The following SBF2 variants were observed in gnomAD, a reference collection of about 807,000 sequenced individuals.
SBF2 encodes the protein SET binding factor 2.
In SBF2, 112 loss-of-function variants were observed where a neutral mutation model predicts 225.2. The observed-to-expected ratio is 0.50, with a 90% CI of 0.43 to 0.58. The LOEUF (loss-of-function observed/expected upper bound fraction) is 0.58, where lower values mean the gene tolerates loss of function less well. SBF2 is among the 20% of genes least tolerant of loss of function. The pLI is 0.00. For synonymous variants in SBF2, 763 were observed against 773.3 expected (o/e 0.99, Z 0.22); for missense variants, 1,996 against 2,206.2 (o/e 0.90, Z 1.91).
intron 2 of SBF2, among the ~76,000 whole-genome samples, chr11:10,049,847 G>A (rs1275528846): frequency 1.3e-5 from 2 of 152,090 alleles, no homozygotes; most frequent in African/African-American, 4.8e-5. Flanking sequence ...TACAATAAAA[G>A]CCAAAAATAT....
rs570166180 is a variant in SBF2, at chr11:10,238,721, T to C, written c.56-44734A>G. On this transcript the variant is annotated intron_variant, in intron 1 of 39. Coordinates refer to ENST00000256190, the MANE Select transcript of SBF2 (RefSeq NM_030962.4). ...TGAGGTCAGGAGTTTGAGACCAGCC[T>C]AGCCAACATGGTGAAACTCTGTCTC... Among the ~76,000 whole-genome samples the C allele has an allele frequency of 4.0e-5, 6 of 150,772 alleles. 1 individual carries two copies. The East Asian group carries it at 1.2e-3, about 29-fold the overall frequency.
intron 23 of SBF2, 80 bp downstream of exon 23, chr11:9,846,876 T>C (rs1489289548): frequency 4.0e-6 from 6 of 1,498,042 alleles, no homozygotes; most frequent in Non-Finnish European, 5.6e-6. Context: ...TCTGAGCACA[T>C]GACCACACAA....
intron 32 of SBF2, among the ~76,000 whole-genome samples, chr11:9,802,151 T>C (rs1278119340): frequency 6.6e-6 from 1 of 152,258 alleles, no homozygotes; most frequent in Non-Finnish European, 1.5e-5. Flanking sequence ...TTTCTCCTGA[T>C]ATTATATTTT....
chr11:9,841,032 CA>C (rs1856098693), intron 25 of SBF2, among the ~76,000 whole-genome samples: 1 of 151,596 alleles, frequency 6.6e-6, no homozygotes, highest in Non-Finnish European at 1.5e-5. Context: ...TAAGAGACAT[CA>C]AATCAAGCTT....
At chr11:9,824,802 G>A (rs1854974005) in intron 28 of SBF2, among the ~76,000 whole-genome samples, 1 of 152,064 alleles carries the variant, frequency 6.6e-6, no homozygotes, top group Non-Finnish European at 1.5e-5. Flanking sequence ...AAGTTGAGTG[G>A]AAAAATTACT....
intron 1 of SBF2, among the ~76,000 whole-genome samples, chr11:10,226,402 C>T (rs1254756657): frequency 2.6e-5 from 4 of 151,946 alleles, no homozygotes; most frequent in African/African-American, 7.3e-5. Context: ...CATATGTATA[C>T]ATGTGCCATG....
chr11:9,928,970 G>C, intron 16 of SBF2: 3 of 477,118 alleles, frequency 6.3e-6, no homozygotes, highest in South Asian at 4.8e-5. Context: ...AAGCAGCAGA[G>C]ATAACTTGCA....
At chr11:9,935,377 G>A (rs1864817804) in intron 16 of SBF2, among the ~76,000 whole-genome samples, 1 of 152,074 alleles carries the variant, frequency 6.6e-6, no homozygotes, top group Non-Finnish European at 1.5e-5. Context: ...TGGCCATACT[G>A]CCCAAGGTAA....
chr11:10,046,895 A>AC (rs56334514), intron 2 of SBF2, among the ~76,000 whole-genome samples: 3 of 150,796 alleles, frequency 2.0e-5, no homozygotes, highest in Admixed American at 6.6e-5. Flanking sequence ...AAAAAAAAAA[A>AC]CCCATCCCTG....
intron 2 of SBF2, among the ~76,000 whole-genome samples, chr11:10,184,052 A>C (rs1565330095): frequency 2.0e-5 from 3 of 152,250 alleles, no homozygotes; most frequent in Admixed American, 1.3e-4. Context: ...ATTTGATTCC[A>C]CCATTATACA....
chr11:9,872,060 G>C (rs542130736), intron 17 of SBF2, among the ~76,000 whole-genome samples: 3 of 152,086 alleles, frequency 2.0e-5, no homozygotes, highest in African/African-American at 4.8e-5. Flanking sequence ...TAAAAACATG[G>C]AATCAACCCA....
intron 13 of SBF2, among the ~76,000 whole-genome samples, chr11:9,982,521 A>C (rs1358370432): frequency 6.6e-6 from 1 of 152,222 alleles, no homozygotes; most frequent in Non-Finnish European, 1.5e-5. Flanking sequence ...TGAACAAAAT[A>C]CTTTATTTAA....
At chr11:10,201,989 C>T (rs1280798358) in intron 1 of SBF2, among the ~76,000 whole-genome samples, 1 of 152,172 alleles carries the variant, frequency 6.6e-6, no homozygotes, top group African/African-American at 2.4e-5. Flanking sequence ...TCACAGTTCA[C>T]TGAGAATGTA....
At chr11:10,157,183 A>G (rs2135194203) in intron 2 of SBF2, among the ~76,000 whole-genome samples, 2 of 152,356 alleles carry the variant, frequency 1.3e-5, no homozygotes, top group South Asian at 4.2e-4. Context: ...TTCCCTATTC[A>G]ATAAATGGCG....
chr11:10,185,198 T>G (rs1295518924), intron 2 of SBF2, among the ~76,000 whole-genome samples: 1 of 152,220 alleles, frequency 6.6e-6, no homozygotes, highest in Non-Finnish European at 1.5e-5. Flanking sequence ...CTTCCACCAT[T>G]TGACTACTGT....
At position 9,858,259 on chromosome 11, in the gene SBF2, C is replaced by G; in HGVS notation, c.2067G>C (p.Lys689Asn). Residue 689 changes from lysine to asparagine, a missense_variant, in exon 18 of 40, where the codon AAG (lysine) becomes AAC (asparagine). Transcript: ENST00000256190. ...EQVRSLYLSA[K>N]EDNHAPHLKQ... ...TCAGATGCGGGGCATGATTGTCTTC[C>G]TTGGCTGAGAGATAAAGGGAGCGAA... 1 of 1,614,134 alleles carries G rather than the reference C, an allele frequency of 6.2e-7. No individual in the cohort carries two copies. Among genetic ancestry groups the G allele is most frequent in the African/African-American group, 1.3e-5 (1 of 75,026 alleles).
At chr11:10,243,557 A>G (rs371772563) in intron 1 of SBF2, among the ~76,000 whole-genome samples, 1 of 151,910 alleles carries the variant, frequency 6.6e-6, no homozygotes, top group East Asian at 1.9e-4. Context: ...AAATTGGAAA[A>G]CCCTTAGCTA....
At chr11:9,830,610 G>T (rs992589640) in intron 27 of SBF2, among the ~76,000 whole-genome samples, 7 of 151,620 alleles carry the variant, frequency 4.6e-5, no homozygotes, top group African/African-American at 1.7e-4. Context: ...TGTAGTGGCG[G>T]GCGCCTGTAA....
intron 6 of SBF2, among the ~76,000 whole-genome samples, chr11:10,025,512 C>T (rs1194991925): frequency 6.6e-6 from 1 of 152,104 alleles, no homozygotes; most frequent in African/African-American, 2.4e-5. Context: ...AAAAATGGTC[C>T]CAAATGTCTG....
Sources: allele counts gnomAD v4.1 joint callset (sites outside exome capture counted in the v4.1 genomes callset), GRCh38; gene constraint gnomAD v4.1.1; transcripts MANE v1.5; gene names NCBI Gene and HGNC (gene_info 2026-07-23, HGNC 2026-07-21).